The following PCDHGB3 variants were observed in gnomAD, a reference collection of about 807,000 sequenced individuals.
PCDHGB3 encodes the protein protocadherin gamma subfamily B, 3.
In PCDHGB3, 40 loss-of-function variants were observed where a neutral mutation model predicts 59.2. The ratio of observed to expected loss-of-function variants is 0.68; its 90% confidence interval spans 0.52 to 0.88. The LOEUF is 0.88. Ranked by LOEUF, PCDHGB3 falls within the 40% of genes least tolerant of loss-of-function variation. PCDHGB3 has a pLI of 0.00. For missense variants in PCDHGB3, 1,309 were observed against 1,187.9 expected (o/e 1.10, Z -1.50); for synonymous variants, 581 against 503.6 (o/e 1.15, Z -2.06).
intron 1 of PCDHGB3, chr5:141,384,651 C>G (rs138410124): frequency 1.2e-6 from 2 of 1,614,076 alleles, no homozygotes; most frequent in Non-Finnish European, 1.7e-6. Context: ...CCGCAGAGCC[C>G]GGCTACCTGG....
intron 1 of PCDHGB3, among the ~76,000 whole-genome samples, chr5:141,433,664 C>G (rs1027404017): frequency 6.6e-6 from 1 of 151,966 alleles, no homozygotes; most frequent in South Asian, 2.1e-4. Flanking sequence ...GGAGAAACCC[C>G]GTCTATACTA....
intron 1 of PCDHGB3, among the ~76,000 whole-genome samples, chr5:141,466,776 C>T (rs2099129231): frequency 6.6e-6 from 1 of 152,104 alleles, no homozygotes; most frequent in African/African-American, 2.4e-5. Flanking sequence ...TTATCTTATT[C>T]TTCTTAGTGC....
chr5:141,392,896 G>A, intron 1 of PCDHGB3: 1 of 1,613,812 alleles, frequency 6.2e-7, no homozygotes, highest in Non-Finnish European at 8.5e-7. Flanking sequence ...GAAATCGGGA[G>A]GGGACAGATT....
At position 141,437,305 on chromosome 5, in the gene PCDHGB3, G is replaced by A. The variant is rs369317069; in HGVS notation, c.2416-57502G>A. On this transcript the variant is annotated intron_variant, in intron 1 of 3. Transcript: ENST00000576222. ...TATCCATTTCATCTAACAAGTTAAA[G>A]CGTTCAGCTATAATTTAAAATTTGT... 1.8e-4 allele frequency among the ~76,000 whole-genome samples: 28 copies of A among 152,266 alleles called. No homozygotes were observed. In the South Asian group the frequency reaches 4.8e-3, roughly 26 times the overall value.
chr5:141,500,189 TTTA>T (rs780229863), intron 2 of PCDHGB3, among the ~76,000 whole-genome samples: 5,656 of 110,928 alleles, frequency 0.051, 122 homozygotes, highest in Middle Eastern at 0.14. Context: ...TTTATTTTTA[TTTA>T]TTTATTTATT....
intron 1 of PCDHGB3, chr5:141,422,221 A>T (rs1267909650): frequency 1.3e-6 from 2 of 1,565,034 alleles, no homozygotes; most frequent in Admixed American, 4.0e-5. Context: ...CTTTACCACC[A>T]CGACGATGTT....
chr5:141,438,545 A>C (rs915206342), intron 1 of PCDHGB3, among the ~76,000 whole-genome samples: 4 of 140,354 alleles, frequency 2.8e-5, no homozygotes, highest in Admixed American at 7.4e-5. Flanking sequence ...TCTATATCTA[A>C]GCCCTAATAA....
chr5:141,404,325 C>G (rs762306578), intron 1 of PCDHGB3: 7 of 1,613,876 alleles, frequency 4.3e-6, no homozygotes, highest in Non-Finnish European at 5.9e-6. Flanking sequence ...GCCTCCTACT[C>G]AGTCTACCTC....
chr5:141,476,184 T>C lies in PCDHGB3; in HGVS notation c.2416-18623T>C, dbSNP rs1038598087. ...AGGGTAGTGGGAGTTTTGCTTCTGC[T>C]TGGTGCCTTGAACAAGGCTTCCACG... On this transcript the variant is annotated intron_variant, in intron 1 of 3. Coordinates refer to ENST00000576222, the MANE Select transcript of PCDHGB3 (RefSeq NM_018924.5). The surrounding 1 kb of genome is among the most constrained non-coding windows in gnomAD (Gnocchi z 7.6). 1 of 1,613,708 alleles carries C rather than the reference T, an allele frequency of 6.2e-7. No homozygotes were observed. Among genetic ancestry groups the C allele is most frequent in the Non-Finnish European group, 8.5e-7 (1 of 1,179,992 alleles).
At position 141,490,782 on chromosome 5, in the gene PCDHGB3, ACGGATCTTTGCC is replaced by A; in HGVS notation, c.2416-4023_2416-4012del. 6.2e-7 allele frequency: 1 copy of A among 1,614,054 alleles called. No individual in the cohort carries two copies. Among genetic ancestry groups the A allele is most frequent in the Non-Finnish European group, 8.5e-7 (1 of 1,179,952 alleles). ...TTGTGTATGTCAACCCAGAGGATGGACGGATCTTTGCCCAGCGTACCTTTGACTATGAATTGC... is the reference window on the plus strand; with the variant it reads ...TTGTGTATGTCAACCCAGAGGATGGACAGCGTACCTTTGACTATGAATTGC... On this transcript the variant is annotated intron_variant, in intron 1 of 3. Transcript: ENST00000576222. This position sits in a 1 kb window ranked among gnomAD's most constrained non-coding sequence, Gnocchi z 5.4.
intron 1 of PCDHGB3, chr5:141,413,577 T>C (rs752007520): frequency 2.5e-6 from 4 of 1,613,836 alleles, no homozygotes; most frequent in Non-Finnish European, 3.4e-6. Context: ...ATGACAATGC[T>C]CCAAAATTCC....
chr5:141,510,448 C>T (rs1339979584), intron 3 of PCDHGB3, among the ~76,000 whole-genome samples: 1 of 152,016 alleles, frequency 6.6e-6, no homozygotes, highest in Non-Finnish European at 1.5e-5. Context: ...TCCAGGAGCC[C>T]ATGGTCTAGT....
intron 1 of PCDHGB3, chr5:141,384,446 C>A (rs781605513): frequency 6.2e-7 from 1 of 1,613,916 alleles, no homozygotes; most frequent in African/African-American, 1.3e-5. Flanking sequence ...GTCCTGTACG[C>A]GCTGCAATCC....
At position 141,431,513 on chromosome 5, in the gene PCDHGB3, C is replaced by A. The variant is rs1468442248; in HGVS notation, c.2415+58704C>A. ...TCAGCCCGAGTACCGCGCGAGCGTT[C>A]CGGAGAATCTGGCCTTGGGCACGCA... is the stretch of plus-strand genomic sequence containing the variant. On this transcript the variant is annotated intron_variant, in intron 1 of 3. Transcript: ENST00000576222. The surrounding 1 kb of genome is among the most constrained non-coding windows in gnomAD (Gnocchi z 4.8). 1 of 1,614,022 alleles carries A rather than the reference C, an allele frequency of 6.2e-7. No individual in the cohort carries two copies. The highest frequency in any genetic ancestry group is 1.7e-5 in the Admixed American group (1 of 60,032).
rs773157241 is a variant in PCDHGB3, at chr5:141,370,760, G to A, written c.366G>A (p.Leu122=). 7 of 1,613,862 alleles carry A rather than the reference G, an allele frequency of 4.3e-6. No individual in the cohort carries two copies. The Admixed American group carries it at 1.2e-4, about 27-fold the overall frequency. Residue 122 remains leucine, a synonymous_variant, in exon 1 of 4, where the codon CTG becomes CTA. Coordinates refer to ENST00000576222, the MANE Select transcript of PCDHGB3 (RefSeq NM_018924.5). The part of the protein sequence containing the change: ...KPLNFFHVTV[L]IQDINDNPPT... ...TAAACTTTTTTCATGTAACTGTGCT[G>A]ATCCAGGATATTAACGACAACCCAC...
rs775132338 is a variant in PCDHGB3 at position 141,490,858 on chromosome 5, G to A, written c.2416-3949G>A. On this transcript the variant is annotated intron_variant, in intron 1 of 3. Coordinates refer to ENST00000576222, the MANE Select transcript of PCDHGB3 (RefSeq NM_018924.5). This position sits in a 1 kb window ranked among gnomAD's most constrained non-coding sequence, Gnocchi z 5.4. Reference sequence around the variant, plus strand: ...GATTGTGGTGGGGGTTCGAGACTCCGGCTCTCCCCCATTGCATGCCAACAC... The same window carrying A: ...GATTGTGGTGGGGGTTCGAGACTCCAGCTCTCCCCCATTGCATGCCAACAC... 14 of 1,613,704 alleles carry A rather than the reference G, an allele frequency of 8.7e-6. No homozygotes were observed. Among genetic ancestry groups the A allele is most frequent in the South Asian group, 2.2e-5 (2 of 91,068 alleles).
intron 3 of PCDHGB3, among the ~76,000 whole-genome samples, chr5:141,506,861 G>A (rs2099856791): frequency 6.6e-6 from 1 of 152,178 alleles, no homozygotes; most frequent in African/African-American, 2.4e-5. Context: ...TGGAGGACTG[G>A]TGGGTAGAGA....
intron 1 of PCDHGB3, chr5:141,414,596 C>T: frequency 6.2e-7 from 1 of 1,613,962 alleles, no homozygotes; most frequent in Non-Finnish European, 8.5e-7. Context: ...AGGGGTGCCT[C>T]CATCTTCTCA....
chr5:141,501,530 G>T (rs556760554), intron 2 of PCDHGB3, among the ~76,000 whole-genome samples: 1 of 151,998 alleles, frequency 6.6e-6, no homozygotes, highest in East Asian at 1.9e-4. Flanking sequence ...AGCCCAGTAC[G>T]TTGTTGTGCA....
Sources: allele counts gnomAD v4.1 joint callset (sites outside exome capture counted in the v4.1 genomes callset), GRCh38; gene constraint gnomAD v4.1.1; non-coding constraint Gnocchi (gnomAD v3.1); transcripts MANE v1.5; gene names NCBI Gene and HGNC (gene_info 2026-07-23, HGNC 2026-07-21).